MTOR: variants seen among roughly 807,000 people sequenced by gnomAD.
MTOR encodes the protein mechanistic target of rapamycin kinase, also known as serine/threonine-protein kinase mTOR.
MTOR carries 70 observed loss-of-function variants against 319.8 expected under a neutral mutation model. The ratio of observed to expected loss-of-function variants is 0.22; its 90% CI spans 0.18 to 0.27. The LOEUF (loss-of-function observed/expected upper bound fraction) is 0.27. Ranked by LOEUF, MTOR falls within the 10% of genes least tolerant of loss-of-function variation. The pLI is 1.00. For missense variants in MTOR, 1,890 were observed against 3,274.4 expected, an observed-to-expected ratio of 0.58 and a Z score of 10.32; for synonymous variants, 1,183 against 1,211.4, an observed-to-expected ratio of 0.98 and a Z score of 0.49.
chr1:11,226,540 C>T (rs1646844073), intron 19 of MTOR, among the ~76,000 whole-genome samples: 1 of 151,486 alleles, frequency 6.6e-6, no homozygotes. Context: ...CCTGTAATTC[C>T]AGTGCTTTGG....
chr1:11,256,415 T>G lies in MTOR; in HGVS notation c.505-223A>C, dbSNP rs1266320485. 1.2e-5 allele frequency: 9 copies of G among 781,288 alleles called. No homozygotes were observed. In the Admixed American group the frequency reaches 5.6e-4, roughly 49 times the overall value. 48.4% of individuals were successfully genotyped at this position (781,288 alleles called of 1,614,324 possible). A position where few individuals can be genotyped will look rare whatever the true frequency, so the allele number is the denominator to read the frequency against. The stretch of plus-strand genomic sequence containing the variant: ...TTACAAACACAGAATGCTTGTAATG[T>G]TTGAACATAAGTTCTGGAAGTGCAG... On this transcript the variant is annotated intron_variant, in intron 4 of 57. Coordinates refer to ENST00000361445, the MANE Select transcript of MTOR (RefSeq NM_004958.4).
At chr1:11,154,863 A>C (rs980163349) in intron 30 of MTOR, among the ~76,000 whole-genome samples, 4 of 151,858 alleles carry the variant, frequency 2.6e-5, no homozygotes, top group African/African-American at 4.8e-5. Context: ...AAAAAAAAGA[A>C]GGCTGTGCAC....
chr1:11,163,454 C>T (rs1259644492), intron 29 of MTOR, among the ~76,000 whole-genome samples: 2 of 152,166 alleles, frequency 1.3e-5, no homozygotes, highest in Admixed American at 6.5e-5. Context: ...CTACAGAACT[C>T]TCCACCCCAA....
At chr1:11,195,093 C>T in intron 28 of MTOR, 6 of 1,509,820 alleles carry the variant, frequency 4.0e-6, no homozygotes, top group Non-Finnish European at 5.4e-6. Flanking sequence ...CAGATGAGGA[C>T]AGGAAGAGAG....
intron 8 of MTOR, among the ~76,000 whole-genome samples, chr1:11,244,585 C>T (rs548433462): frequency 1.3e-5 from 2 of 152,070 alleles, no homozygotes; most frequent in Non-Finnish European, 2.9e-5. Context: ...GAGCCAAGAT[C>T]GTGCCACTGC....
intron 29 of MTOR, among the ~76,000 whole-genome samples, chr1:11,159,239 G>A (rs557222095): frequency 8.1e-4 from 124 of 152,238 alleles, no homozygotes; most frequent in African/African-American, 2.9e-3. Context: ...GTGCCCTCTC[G>A]CCCTACTTTC....
intron 18 of MTOR, 41 bp from the exon 19 acceptor site, chr1:11,228,959 A>G (rs2100857581): frequency 6.2e-7 from 1 of 1,605,806 alleles, no homozygotes; most frequent in East Asian, 2.2e-5. Flanking sequence ...TACACATGGC[A>G]TGACGTGACT....
At chr1:11,132,081 G>C (rs967594204) in intron 38 of MTOR, 3 of 152,134 alleles carry the variant, frequency 2.0e-5, no homozygotes, top group Admixed American at 1.3e-4. Context: ...GTTGATGGTA[G>C]AATACATCAT....
At chr1:11,200,977 T>G (rs1645949973) in intron 26 of MTOR, among the ~76,000 whole-genome samples, 1 of 149,700 alleles carries the variant, frequency 6.7e-6, no homozygotes, top group South Asian at 2.1e-4. Context: ...ATCACACCAC[T>G]GCACTCCAGC....
chr1:11,132,345 T>C (rs1570952598), intron 38 of MTOR: 1 of 152,212 alleles, frequency 6.6e-6, no homozygotes, highest in African/African-American at 2.4e-5. Context: ...CAAACCAGAA[T>C]GAAGCATGCC....
chr1:11,155,591 G>A (rs1426269727), intron 30 of MTOR, among the ~76,000 whole-genome samples: 6 of 152,134 alleles, frequency 3.9e-5, no homozygotes, highest in Admixed American at 3.9e-4. Flanking sequence ...GGGTCACAGA[G>A]AAGAATCTGA....
In MTOR at chr1:11,130,582, C is replaced by T. The variant is rs150639035; in HGVS notation, c.5560G>A (p.Glu1854Lys). Residue 1854 changes from glutamate to lysine, a missense_variant, in exon 39 of 58, where the codon GAG (glutamate) becomes AAG (lysine). Glu to Lys is a moderately conservative substitution (Grantham distance 56). Around this residue, in one of 15 missense-constraint regions of MTOR, gnomAD observed 91 missense variants for 90.4 expected, o/e 1.01. Transcript: ENST00000361445. ...GGGGTGGGGCTGTTCTCGGTGCTCT[C>T]GGCCTCGCTCTCACTGTTGCTGCCC... ...TEGSNSESEA[E>K]STENSPTPSP... The T allele has an allele frequency of 4.4e-5, 71 of 1,613,592 alleles. No homozygotes were observed. The highest frequency in any genetic ancestry group is 5.2e-5 in the Non-Finnish European group (61 of 1,180,006).
intron 18 of MTOR, 132 bp downstream of exon 18, chr1:11,230,793 C>G: frequency 2.4e-6 from 3 of 1,233,298 alleles, no homozygotes; most frequent in Non-Finnish European, 3.4e-6. Flanking sequence ...ACTGACTTTT[C>G]ATTCAAAAGT....
At chr1:11,191,894 C>T (rs895833786) in intron 28 of MTOR, among the ~76,000 whole-genome samples, 41 of 152,126 alleles carry the variant, frequency 2.7e-4, no homozygotes, top group African/African-American at 9.2e-4. Flanking sequence ...GTTATAGTGG[C>T]GGCTGTCTAA....
intron 47 of MTOR, among the ~76,000 whole-genome samples, chr1:11,122,661 C>A (rs1260713494): frequency 6.6e-6 from 1 of 152,098 alleles, no homozygotes; most frequent in East Asian, 1.9e-4. Flanking sequence ...ATGCACAACA[C>A]CACACCCGGC....
intron 11 of MTOR, 72 bp downstream of exon 11, chr1:11,240,231 G>A: frequency 6.7e-7 from 1 of 1,498,588 alleles, no homozygotes; most frequent in Admixed American, 2.3e-5. Context: ...AGGAATCCTA[G>A]ATACCTTCAT....
At position 11,199,118 on chromosome 1, in the gene MTOR, T is replaced by C. The variant is rs1557834596; in HGVS notation, c.4253+140A>G. On this transcript the variant is annotated intron_variant, in intron 28 of 57. Coordinates refer to ENST00000361445, the MANE Select transcript of MTOR (RefSeq NM_004958.4). The surrounding 1 kb of genome is among the most constrained non-coding windows in gnomAD (Gnocchi z 4.5). Reference sequence around the variant, plus strand: ...GAGAGCCATCTGCAACAACATGTCATTTAAACATGCTGGCCAGACCCAGAG... The same window carrying C: ...GAGAGCCATCTGCAACAACATGTCACTTAAACATGCTGGCCAGACCCAGAG... The C allele has an allele frequency of 9.4e-7, 1 of 1,059,166 alleles. No individual in the cohort carries two copies. The highest frequency in any genetic ancestry group is 1.5e-5 in the South Asian group (1 of 65,122). 65.6% of individuals were successfully genotyped at this position (1,059,166 alleles called of 1,614,324 possible).
intron 4 of MTOR, 104 bp downstream of exon 4, chr1:11,256,827 TTC>T: frequency 8.9e-7 from 1 of 1,119,318 alleles, no homozygotes; most frequent in Non-Finnish European, 1.3e-6. Context: ...ATCCTAGCTC[TTC>T]TAACCAGCTT....
At chr1:11,221,381 C>T (rs1238921555) in intron 19 of MTOR, among the ~76,000 whole-genome samples, 1 of 152,066 alleles carries the variant, frequency 6.6e-6, no homozygotes, top group Non-Finnish European at 1.5e-5. Context: ...GTTGGCTGCA[C>T]AATCACTCAA....
Sources: gnomAD v4.1 joint callset for allele counts (sites outside exome capture counted in the v4.1 genomes callset) on GRCh38, gnomAD v4.1.1 for gene constraint, gnomAD v4.1.1 regional missense constraint, Gnocchi (gnomAD v3.1) non-coding constraint, MANE v1.5 for transcripts, NCBI Gene and HGNC (gene_info 2026-07-23, HGNC 2026-07-21) for gene names.